ADGRG7: variants seen among roughly 807,000 people sequenced by gnomAD.
ADGRG7 encodes the protein adhesion G protein-coupled receptor G7, also known as G-protein coupled receptor 128.
In ADGRG7, 82 loss-of-function variants were observed where a neutral mutation model predicts 88.6. The observed-to-expected ratio is 0.93, with a 90% CI of 0.77 to 1.11. The LOEUF (loss-of-function observed/expected upper bound fraction) is 1.11, where lower values mean the gene tolerates loss of function less well. Among genes scored for constraint, ADGRG7 ranks in the 50% most tolerant of loss-of-function variants. ADGRG7 has a pLI of 0.00. For missense variants in ADGRG7, 945 were observed against 953.4 expected (o/e 0.99, Z 0.12); for synonymous variants, 381 against 345.2 (o/e 1.10, Z -1.15).
Position 100,630,686 on chromosome 3 carries a change from C to A in ADGRG7, c.230-19C>A, listed in dbSNP as rs755837949. 1 of 1,178,046 alleles carries A rather than the reference C, an allele frequency of 8.5e-7. No homozygotes were observed. The highest frequency in any genetic ancestry group is 2.5e-5 in the South Asian group (1 of 40,288). 73.0% of individuals were successfully genotyped at this position (1,178,046 alleles called of 1,614,324 possible). On this transcript the variant is annotated intron_variant, in intron 2 of 15. Transcript: ENST00000273352. Reference sequence around the variant, plus strand: ...TTAAAATACAATTTATAATAAAGAACTTTTTCTCTTTATTACAGCTAATTT... The same window carrying A: ...TTAAAATACAATTTATAATAAAGAAATTTTTCTCTTTATTACAGCTAATTT...
chr3:100,657,091 T>G (rs1168258039), intron 13 of ADGRG7, among the ~76,000 whole-genome samples: 1 of 152,210 alleles, frequency 6.6e-6, no homozygotes, highest in Non-Finnish European at 1.5e-5. Flanking sequence ...TTATTCACAC[T>G]GAGCTGTAAA....
intron 1 of ADGRG7, among the ~76,000 whole-genome samples, chr3:100,627,902 C>T (rs1707402094): frequency 6.6e-6 from 1 of 152,108 alleles, no homozygotes; most frequent in Admixed American, 6.6e-5. Flanking sequence ...CCTTCTAGGA[C>T]TCCAATTGCT....
chr3:100,651,701 G>C (rs753795544), intron 11 of ADGRG7, among the ~76,000 whole-genome samples: 4 of 151,430 alleles, frequency 2.6e-5, no homozygotes, highest in Non-Finnish European at 4.4e-5. Flanking sequence ...TTTTTAAAGA[G>C]AGAAAAAACA....
intron 11 of ADGRG7, among the ~76,000 whole-genome samples, chr3:100,652,613 A>C (rs1188056031): frequency 6.6e-6 from 1 of 152,176 alleles, no homozygotes; most frequent in Non-Finnish European, 1.5e-5. Context: ...AAAATAATAC[A>C]TGTACAAAAA....
chr3:100,677,982 C>T (rs1379798985), intron 15 of ADGRG7, among the ~76,000 whole-genome samples: 4 of 152,036 alleles, frequency 2.6e-5, no homozygotes, highest in Non-Finnish European at 5.9e-5. Flanking sequence ...TTGGGAAGTT[C>T]TCTGTTATTA....
intron 15 of ADGRG7, among the ~76,000 whole-genome samples, chr3:100,690,675 G>T (rs1465136834): frequency 6.6e-6 from 1 of 152,198 alleles, no homozygotes; most frequent in Admixed American, 6.5e-5. Flanking sequence ...GGTGGCTGCA[G>T]AACAGTGGAT....
chr3:100,619,636 A>C (rs1707279261), intron 1 of ADGRG7, among the ~76,000 whole-genome samples: 1 of 152,202 alleles, frequency 6.6e-6, no homozygotes, highest in Admixed American at 6.5e-5. Flanking sequence ...TTTTGAAAAG[A>C]TCAACAAAAT....
At chr3:100,689,214 G>C (rs1428438999) in intron 15 of ADGRG7, among the ~76,000 whole-genome samples, 1 of 151,676 alleles carries the variant, frequency 6.6e-6, no homozygotes, top group African/African-American at 2.4e-5. Context: ...GCCTTTTTTT[G>C]TTTTCCATTT....
chr3:100,646,318 T>C (rs1351879157), intron 9 of ADGRG7: 1 of 604,676 alleles, frequency 1.7e-6, no homozygotes. Context: ...ATAGCAAAAC[T>C]CTTCAAAAGG....
chr3:100,656,031 A>T (rs757088830), intron 13 of ADGRG7, 36 bp downstream of exon 13: 4 of 1,309,500 alleles, frequency 3.1e-6, no homozygotes, highest in East Asian at 4.6e-5. Flanking sequence ...CAATTGTTTG[A>T]CCTAAAAGTG....
Position 100,659,751 on chromosome 3 carries a change from C to T in ADGRG7, c.1887C>T (p.Ile629=), listed in dbSNP as rs778489988. Residue 629 remains isoleucine (I), a synonymous_variant, in exon 14 of 16, where the codon ATC becomes ATT. Transcript: ENST00000273352. ...VIKSPLLWSF[I]VPVTIILISN... is the part of the protein sequence containing the mutation. Reference sequence around the variant, plus strand: ...AAAGTCCGCTGTTGTGGTCATTCATCGTACCTGTAACCATTATCCTCATCA... The same window carrying T: ...AAAGTCCGCTGTTGTGGTCATTCATTGTACCTGTAACCATTATCCTCATCA... 5 of 1,613,968 alleles carry T rather than the reference C, an allele frequency of 3.1e-6. No individual in the cohort carries two copies. The highest frequency in any genetic ancestry group is 1.7e-5 in the Admixed American group (1 of 60,018).
Position 100,637,371 on chromosome 3 carries a change from G to T in ADGRG7, c.667G>T (p.Ala223Ser). 1 of 1,613,614 alleles carries T rather than the reference G, an allele frequency of 6.2e-7. No individual in the cohort carries two copies. The highest frequency in any genetic ancestry group is 8.5e-7 in the Non-Finnish European group (1 of 1,179,604). Residue 223 changes from alanine (A) to serine (S), a missense_variant, in exon 6 of 16, where the codon GCT becomes TCT. Coordinates refer to ENST00000273352, the MANE Select transcript of ADGRG7 (RefSeq NM_032787.3). ...CAGTGAAGATGCTTTTCAAAGAGTT[G>T]CTGCTACTGCTAATGATGATGCCCT... ...DASEDAFQRV[A>S]ATANDDALTT...
chr3:100,672,644 A>C (rs1364915183), intron 15 of ADGRG7, among the ~76,000 whole-genome samples: 3 of 152,178 alleles, frequency 2.0e-5, no homozygotes, highest in African/African-American at 7.2e-5. Context: ...CAGTTTTCAA[A>C]GGGAATGCTT....
intron 5 of ADGRG7, 150 bp from the exon 6 acceptor site, chr3:100,637,152 A>G (rs1707557820): frequency 1.7e-6 from 1 of 578,304 alleles, no homozygotes; most frequent in East Asian, 2.9e-5. Context: ...ATGTGGATCA[A>G]AGAATAAACC....
intron 1 of ADGRG7, among the ~76,000 whole-genome samples, chr3:100,629,297 C>T (rs1439602783): frequency 1.3e-5 from 2 of 151,836 alleles, no homozygotes; most frequent in Non-Finnish European, 2.9e-5. Flanking sequence ...ATCTATCTAT[C>T]TATCTATCTA....
intron 1 of ADGRG7, among the ~76,000 whole-genome samples, chr3:100,615,779 A>G (rs1001008015): frequency 8.5e-5 from 13 of 152,222 alleles, no homozygotes; most frequent in African/African-American, 3.1e-4. Flanking sequence ...AATAAAGAGT[A>G]AAGTCAACCA....
intron 1 of ADGRG7, among the ~76,000 whole-genome samples, chr3:100,629,103 C>T (rs1000864655): frequency 2.6e-5 from 4 of 152,038 alleles, no homozygotes; most frequent in African/African-American, 9.7e-5. Flanking sequence ...TTTTGCAGTT[C>T]GTATCCTGCC....
intron 14 of ADGRG7, among the ~76,000 whole-genome samples, chr3:100,661,037 T>C (rs2094944658): frequency 6.6e-6 from 1 of 152,142 alleles, no homozygotes; most frequent in South Asian, 2.1e-4. Flanking sequence ...GCGGGGGTCA[T>C]GTGCTTTCTG....
At chr3:100,668,209 G>C (rs938321594) in intron 14 of ADGRG7, among the ~76,000 whole-genome samples, 10 of 152,198 alleles carry the variant, frequency 6.6e-5, no homozygotes, top group African/African-American at 2.4e-4. Flanking sequence ...GGGAGCTGCA[G>C]ACCTGTGCTG....
Sources: gnomAD v4.1 joint callset for allele counts (sites outside exome capture counted in the v4.1 genomes callset) on GRCh38, gnomAD v4.1.1 for gene constraint, MANE v1.5 for transcripts, NCBI Gene and HGNC (gene_info 2026-07-23, HGNC 2026-07-21) for gene names.